Variants in FAM204A observed in about 807,000 individuals in gnomAD.
The protein encoded by FAM204A is family with sequence similarity 204 member A, also known as protein FAM204A.
In FAM204A, 16 loss-of-function variants were observed where a neutral mutation model predicts 35.4. That is an observed-to-expected ratio of 0.45 (90% CI 0.31 to 0.69). The LOEUF (loss-of-function observed/expected upper bound fraction) is 0.69, where lower values mean the gene tolerates loss of function less well. Ranked by LOEUF, FAM204A falls within the 30% of genes least tolerant of loss-of-function variation. The pLI, the probability that FAM204A is intolerant of heterozygous loss-of-function variation, is 0.07. For missense variants in FAM204A, 240 were observed against 265.7 expected, an observed-to-expected ratio of 0.90 and a Z score of 0.67; for synonymous variants, 76 against 86.9, an observed-to-expected ratio of 0.88 and a Z score of 0.70.
chr10:118,331,857 A>ATATATATAATCATACCCACT (rs1164758036), intron 6 of FAM204A, among the ~76,000 whole-genome samples: 1 of 148,216 alleles, frequency 6.7e-6, no homozygotes, highest in Non-Finnish European at 1.5e-5. Flanking sequence ...ATATATATAT[A>ATATATATAATCATACCCACT]TATATATAAT....
At chr10:118,311,479 C>T in intron 7 of FAM204A, 166 bp from the exon 8 acceptor site, 1 of 587,300 alleles carries the variant, frequency 1.7e-6, no homozygotes, top group South Asian at 2.4e-5. Flanking sequence ...AAAGACAGGA[C>T]CCATATCTCC....
intron 7 of FAM204A, among the ~76,000 whole-genome samples, chr10:118,317,708 G>A (rs573023142): frequency 4.6e-5 from 7 of 151,958 alleles, no homozygotes; most frequent in Non-Finnish European, 7.4e-5. Flanking sequence ...TCTTACTTGG[G>A]AAGTCACAGC....
chr10:118,329,941 T>TA (rs1020439519), intron 6 of FAM204A, among the ~76,000 whole-genome samples: 4 of 152,076 alleles, frequency 2.6e-5, no homozygotes, highest in Non-Finnish European at 2.9e-5. Context: ...CCCCTATGGT[T>TA]AAAAAAAGGT....
At position 118,311,275 on chromosome 10, in the gene FAM204A, GT is replaced by G; in HGVS notation, c.581del (p.Asn194ThrfsTer3). The G allele has an allele frequency of 6.2e-7, 1 of 1,608,508 alleles. No homozygotes were observed. Among genetic ancestry groups the G allele is most frequent in the Non-Finnish European group, 8.5e-7 (1 of 1,178,338 alleles). Reference protein sequence around the residue: ...VKIAKAVACHNFVKAKKEVEN... With the variant: ...VKIAKAVACHXFVKAKKEVEN... ...CAACCTCCTTTTTGGCTTTTACAAA[GT>G]TGTGGCAGGCAACTGCTTTGGCAAT... On this transcript the variant is annotated frameshift_variant, in exon 8 of 9. Transcript: ENST00000369183. LOFTEE classifies it high-confidence loss of function.
intron 7 of FAM204A, among the ~76,000 whole-genome samples, chr10:118,324,439 C>T (rs115100146): frequency 0.013 from 2,016 of 152,214 alleles, 38 homozygotes; most frequent in African/African-American, 0.046. Flanking sequence ...TGAAAGATGA[C>T]TACATAAGCA....
At chr10:118,320,359 ACTTAAT>A (rs924436955) in intron 7 of FAM204A, among the ~76,000 whole-genome samples, 30 of 151,892 alleles carry the variant, frequency 2.0e-4, no homozygotes, top group African/African-American at 7.2e-4. Context: ...AGACTTTAGC[ACTTAAT>A]CTTAAAATAT....
chr10:118,324,657 G>A (rs1323364513), intron 7 of FAM204A, among the ~76,000 whole-genome samples: 2 of 152,170 alleles, frequency 1.3e-5, no homozygotes, highest in Non-Finnish European at 2.9e-5. Flanking sequence ...CATGGAGACA[G>A]AAGAGTGGCT....
At chr10:118,328,837 TA>T (rs2133284049) in intron 6 of FAM204A, among the ~76,000 whole-genome samples, 2 of 152,280 alleles carry the variant, frequency 1.3e-5, no homozygotes, top group African/African-American at 4.8e-5. Flanking sequence ...GGTTGTCCCT[TA>T]ATCACAGTGT....
At chr10:118,336,023 C>CT in intron 3 of FAM204A, 159 bp downstream of exon 3, 1 of 760,318 alleles carries the variant, frequency 1.3e-6, no homozygotes, top group Non-Finnish European at 2.0e-6. Context: ...ACGCAAGTAT[C>CT]TAAGTGGCCG....
Position 118,303,587 on chromosome 10 carries a change from G to C in FAM204A, c.*7270C>G, listed in dbSNP as rs1845832006. 1 of 152,288 alleles carries C rather than the reference G, an allele frequency of 6.6e-6. No homozygotes were observed. The highest frequency in any genetic ancestry group is 2.1e-4 in the South Asian group (1 of 4,824). 9.4% of individuals were successfully genotyped at this position (152,288 alleles called of 1,614,324 possible). A position where few individuals can be genotyped will look rare whatever the true frequency, so the allele number is the denominator to read the frequency against. On this transcript the variant is annotated 3_prime_UTR_variant, in exon 9 of 9. Coordinates refer to ENST00000369183, the MANE Select transcript of FAM204A (RefSeq NM_022063.3). ...CCAGCACTTTGGGAGGCTGAGGTGG[G>C]CGGATCACAAGGTCAAGAGATTGAG... is the stretch of plus-strand genomic sequence containing the variant.
rs1845939857 is a variant in FAM204A at position 118,310,746 on chromosome 10, C to G, written c.*111G>C. On this transcript the variant is annotated 3_prime_UTR_variant, in exon 9 of 9. Coordinates refer to ENST00000369183, the MANE Select transcript of FAM204A (RefSeq NM_022063.3). The stretch of plus-strand genomic sequence containing the variant: ...GATAATCAAAATCCCAAATTTTATG[C>G]TTATTTTTGTTTTAGTGCTATCAAT... 2.2e-6 allele frequency: 2 copies of G among 898,328 alleles called. No individual in the cohort carries two copies. Among genetic ancestry groups the G allele is most frequent in the African/African-American group, 1.7e-5 (1 of 58,458 alleles). 55.6% of individuals were successfully genotyped at this position (898,328 alleles called of 1,614,324 possible). A position where few individuals can be genotyped will look rare whatever the true frequency, so the allele number is the denominator to read the frequency against.
Position 118,301,236 on chromosome 10 carries a change from C to T in FAM204A, c.*9621G>A, listed in dbSNP as rs894082692. 1.6e-4 allele frequency: 25 copies of T among 152,344 alleles called. No individual in the cohort carries two copies. The highest frequency in any genetic ancestry group is 6.0e-4 in the African/African-American group (25 of 41,574). 9.4% of individuals were successfully genotyped at this position (152,344 alleles called of 1,614,324 possible). A position where few individuals can be genotyped will look rare whatever the true frequency, so the allele number is the denominator to read the frequency against. ...CAACATTAGTACTAACAAACACTTA[C>T]ACACTTTCACAGAATTGTCAAGGAC... On this transcript the variant is annotated 3_prime_UTR_variant, in exon 9 of 9. Transcript: ENST00000369183.
At chr10:118,311,427 T>C (rs1257230734) in intron 7 of FAM204A, 114 bp from the exon 8 acceptor site, 2 of 808,790 alleles carry the variant, frequency 2.5e-6, no homozygotes, top group African/African-American at 3.5e-5. Flanking sequence ...GTCTAGAAAT[T>C]AGAAATTCTA....
chr10:118,320,947 A>C (rs893531275), intron 7 of FAM204A, among the ~76,000 whole-genome samples: 1 of 151,422 alleles, frequency 6.6e-6, no homozygotes, highest in Non-Finnish European at 1.5e-5. Flanking sequence ...ATTCTCAGAC[A>C]TGGTTCTACT....
chr10:118,321,511 CATTT>C (rs955724445), intron 7 of FAM204A, among the ~76,000 whole-genome samples: 2 of 151,822 alleles, frequency 1.3e-5, no homozygotes, highest in African/African-American at 4.8e-5. Flanking sequence ...ACATTAAACA[CATTT>C]ATTTTACCAG....
intron 6 of FAM204A, among the ~76,000 whole-genome samples, chr10:118,329,324 C>G (rs1936034784): frequency 6.6e-6 from 1 of 152,134 alleles, no homozygotes; most frequent in African/African-American, 2.4e-5. Context: ...AGCATTACTT[C>G]ATATTCCCTC....
Position 118,336,190 on chromosome 10 carries a change from T to A in FAM204A, c.226A>T (p.Met76Leu). The A allele has an allele frequency of 1.2e-6, 2 of 1,613,376 alleles. No homozygotes were observed. Among genetic ancestry groups the A allele is most frequent in the Non-Finnish European group, 1.7e-6 (2 of 1,179,578 alleles). Residue 76 changes from methionine (M) to leucine (L), a missense_variant, in exon 3 of 9, where the codon ATG becomes TTG. Met to Leu is a conservative substitution (Grantham distance 15). Coordinates refer to ENST00000369183, the MANE Select transcript of FAM204A (RefSeq NM_022063.3). Reference sequence around the variant, plus strand: ...TTTCAGAGAAAACCTACATTCCACATATCTATGGGAATTCCAGAAGGACAC... The same window carrying A: ...TTTCAGAGAAAACCTACATTCCACAAATCTATGGGAATTCCAGAAGGACAC... ...EECPSGIPID[M>L]WNKFQELHKK...
At position 118,303,448 on chromosome 10, in the gene FAM204A, C is replaced by A. The variant is rs1456128907; in HGVS notation, c.*7409G>T. ...GGTATGTATCCTCCACCCCTTCCAT[C>A]CATCCCTCCTTTCATCCCATGTAAA... On this transcript the variant is annotated 3_prime_UTR_variant, in exon 9 of 9. Coordinates refer to ENST00000369183, the MANE Select transcript of FAM204A (RefSeq NM_022063.3). The A allele has an allele frequency of 6.6e-6, 1 of 152,256 alleles. No homozygotes were observed. The highest frequency in any genetic ancestry group is 1.5e-5 in the Non-Finnish European group (1 of 68,094). The allele number at this position is 152,256 out of a possible 1,614,324, so 9.4% of individuals were successfully genotyped here.
At chr10:118,314,554 C>T (rs1004132885) in intron 7 of FAM204A, among the ~76,000 whole-genome samples, 6 of 152,220 alleles carry the variant, frequency 3.9e-5, no homozygotes, top group Admixed American at 2.6e-4. Context: ...AAAAGAATAT[C>T]GTGCTGTGCT....
Sources: allele counts gnomAD v4.1 joint callset (sites outside exome capture counted in the v4.1 genomes callset), GRCh38; gene constraint gnomAD v4.1.1; transcripts MANE v1.5; gene names NCBI Gene and HGNC (gene_info 2026-07-23, HGNC 2026-07-21).